The following PMM2 variants were observed in gnomAD, a reference collection of about 807,000 sequenced individuals.
The protein encoded by PMM2 is mannose-6-phosphate isomerase.
PMM2 carries 35 observed loss-of-function variants against 33.2 expected under a neutral mutation model. The ratio of observed to expected loss-of-function variants is 1.06; its 90% CI spans 0.81 to 1.40. The LOEUF is 1.40. Ranked by LOEUF, PMM2 falls within the 40% of genes most tolerant of loss-of-function variation. The pLI is 0.00. For synonymous variants in PMM2, 153 were observed against 114.7 expected, an observed-to-expected ratio of 1.33 and a Z score of -2.13; for missense variants, 386 against 306.0, an observed-to-expected ratio of 1.26 and a Z score of -1.95.
chr16:8,812,929 G>A (rs2060685414), intron 6 of PMM2, 62 bp from the exon 7 acceptor site: 1 of 927,430 alleles, frequency 1.1e-6, no homozygotes, highest in South Asian at 1.3e-5. Flanking sequence ...GTTTTTTTCA[G>A]TGACATATCA....
At chr16:8,804,865 T>C (rs1462608420) in intron 3 of PMM2, 22 bp downstream of exon 3, 1 of 1,438,734 alleles carries the variant, frequency 7.0e-7, no homozygotes, top group Admixed American at 1.7e-5. Flanking sequence ...AGTATCTGAA[T>C]TACTATATAC....
chr16:8,800,765 C>T (rs1161638976), intron 1 of PMM2, among the ~76,000 whole-genome samples: 1 of 151,964 alleles, frequency 6.6e-6, no homozygotes, highest in African/African-American at 2.4e-5. Flanking sequence ...CTCACTGCAA[C>T]CTCTGACTCC....
rs185214060 is a variant in PMM2 at position 8,804,936 on chromosome 16, G to A, written c.255+93G>A. The stretch of plus-strand genomic sequence containing the variant: ...GAATGCCTCTAGGAAGATGAGGAAC[G>A]GGTAGAAATGAATCTTTACTCTGTA... On this transcript the variant is annotated intron_variant, in intron 3 of 7. Transcript: ENST00000268261. 6.7e-4 allele frequency: 532 copies of A among 792,122 alleles called. 3 individuals carry two copies. Among genetic ancestry groups the A allele is most frequent in the South Asian group, 2.6e-4 (18 of 68,940 alleles). 49.1% of individuals were successfully genotyped at this position (792,122 alleles called of 1,614,324 possible). A position where few individuals can be genotyped will look rare whatever the true frequency, so the allele number is the denominator to read the frequency against.
At chr16:8,812,295 C>T (rs562638308) in intron 6 of PMM2, among the ~76,000 whole-genome samples, 1 of 152,226 alleles carries the variant, frequency 6.6e-6, no homozygotes, top group Non-Finnish European at 1.5e-5. Flanking sequence ...GCAGCACGGA[C>T]ATCTCAGGCT....
chr16:8,811,698 C>G lies in PMM2; in HGVS notation c.508C>G (p.Leu170Val), dbSNP rs183384745. Reference sequence around the variant, plus strand: ...ACGGAAAGAGTTTGCTGGAAAAGGCCTCACGTTTTCCATAGGTATTGTATA... The same window carrying G: ...ACGGAAAGAGTTTGCTGGAAAAGGCGTCACGTTTTCCATAGGTATTGTATA... ...DLRKEFAGKG[L>V]TFSIGGQISF... is the part of the protein sequence containing the mutation. The change falls in exon 6 of 8, where the codon CTC becomes GTC. Residue 170 changes from leucine (L) to valine (V), a missense_variant. Coordinates refer to ENST00000268261, the MANE Select transcript of PMM2 (RefSeq NM_000303.3). 1.1e-5 allele frequency: 17 copies of G among 1,610,288 alleles called. No homozygotes were observed. In the East Asian group the frequency reaches 3.6e-4, roughly 34 times the overall value.
chr16:8,808,889 T>C (rs1257662880), intron 4 of PMM2: 1 of 152,230 alleles, frequency 6.6e-6, no homozygotes, highest in Non-Finnish European at 1.5e-5. Context: ...GAGAGAGATT[T>C]TTAGGCTCGC....
Position 8,811,119 on chromosome 16 carries a change from T to C in PMM2, c.388T>C (p.Ser130Pro). The change falls in exon 5 of 8, where the codon TCC becomes CCC. Residue 130 changes from serine (S) to proline (P), a missense_variant. By Grantham distance (74) the Ser-to-Pro change is moderately conservative. Coordinates refer to ENST00000268261, the MANE Select transcript of PMM2 (RefSeq NM_000303.3). The stretch of plus-strand genomic sequence containing the variant: ...ATTCCGAAATGGGATGTTAAACGTG[T>C]CCCCTATTGGAAGAAGCTGCAGCCA... Reference protein sequence around the residue: ...IEFRNGMLNVSPIGRSCSQEE... With the variant: ...IEFRNGMLNVPPIGRSCSQEE... The C allele has an allele frequency of 6.3e-7, 1 of 1,577,646 alleles. No individual in the cohort carries two copies. The highest frequency in any genetic ancestry group is 8.6e-7 in the Non-Finnish European group (1 of 1,157,776).
intron 2 of PMM2, chr16:8,802,471 T>A: frequency 2.9e-6 from 1 of 344,838 alleles, no homozygotes; most frequent in Middle Eastern, 4.1e-4. Context: ...GATTATATGT[T>A]TTTGAAGAGC....
At position 8,804,648 on chromosome 16, in the gene PMM2, A is replaced by G. The variant is rs919671330; in HGVS notation, c.179-119A>G. On this transcript the variant is annotated intron_variant, in intron 2 of 7. Transcript: ENST00000268261. ...CTTCTCTTAGTCTGTAAGATGAGATAGTCTTTCACAGTCCTTGCTGGAGTT... is the reference window on the plus strand; with the variant it reads ...CTTCTCTTAGTCTGTAAGATGAGATGGTCTTTCACAGTCCTTGCTGGAGTT... The G allele has an allele frequency of 2.6e-5, 19 of 732,488 alleles. No individual in the cohort carries two copies. In the African/African-American group the frequency reaches 3.0e-4, roughly 12 times the overall value. The allele number at this position is 732,488 out of a possible 1,614,324, so 45.4% of individuals were successfully genotyped here.
chr16:8,822,256 A>G (rs145833346), intron 7 of PMM2, among the ~76,000 whole-genome samples: 1 of 152,182 alleles, frequency 6.6e-6, no homozygotes, highest in Admixed American at 6.5e-5. Flanking sequence ...GTTGAGCCAG[A>G]TTACCTGTCT....
At chr16:8,812,764 C>T (rs1396533014) in intron 6 of PMM2, among the ~76,000 whole-genome samples, 1 of 152,190 alleles carries the variant, frequency 6.6e-6, no homozygotes, top group Non-Finnish European at 1.5e-5. Context: ...TCTGAGTTGG[C>T]ATTCTGTGCC....
At chr16:8,835,382 C>G (rs996184549) in intron 7 of PMM2, among the ~76,000 whole-genome samples, 1 of 151,940 alleles carries the variant, frequency 6.6e-6, no homozygotes, top group African/African-American at 2.4e-5. Flanking sequence ...GTAGTGGGGG[C>G]TGTCTGTGAA....
intron 1 of PMM2, among the ~76,000 whole-genome samples, chr16:8,798,961 A>C (rs2060595470): frequency 6.6e-6 from 1 of 152,194 alleles, no homozygotes; most frequent in Non-Finnish European, 1.5e-5. Context: ...GATGACGCTC[A>C]ACTCCCAAGT....
chr16:8,804,553 C>T (rs2060635497), intron 2 of PMM2, among the ~76,000 whole-genome samples: 1 of 152,068 alleles, frequency 6.6e-6, no homozygotes, highest in African/African-American at 2.4e-5. Flanking sequence ...TAATCTCCTG[C>T]CCAGTCATCA....
chr16:8,834,224 AGG>A (rs2060829219), intron 7 of PMM2, among the ~76,000 whole-genome samples: 1 of 152,122 alleles, frequency 6.6e-6, no homozygotes, highest in Non-Finnish European at 1.5e-5. Flanking sequence ...GAGCTTGGTG[AGG>A]TGTGTTTTTA....
chr16:8,810,055 C>T (rs779469451), intron 4 of PMM2: 4 of 152,268 alleles, frequency 2.6e-5, no homozygotes, highest in African/African-American at 9.7e-5. Context: ...AAGCCATTCA[C>T]CCACCTTGGC....
intron 1 of PMM2, among the ~76,000 whole-genome samples, chr16:8,798,457 A>G (rs2060592333): frequency 6.6e-6 from 1 of 152,080 alleles, no homozygotes; most frequent in Non-Finnish European, 1.5e-5. Context: ...TTAAATGGGG[A>G]TGTTACCTGT....
At chr16:8,836,047 G>T (rs1464483384) in intron 7 of PMM2, among the ~76,000 whole-genome samples, 1 of 151,130 alleles carries the variant, frequency 6.6e-6, no homozygotes, top group East Asian at 1.9e-4. Context: ...AAAGAGTAAT[G>T]TCTAAATTGG....
At chr16:8,805,673 A>T (rs1471515777) in intron 3 of PMM2, among the ~76,000 whole-genome samples, 1 of 151,650 alleles carries the variant, frequency 6.6e-6, no homozygotes, top group Non-Finnish European at 1.5e-5. Flanking sequence ...GCTCACTGTA[A>T]CCTCTGCCTC....
Sources: allele counts gnomAD v4.1 joint callset (sites outside exome capture counted in the v4.1 genomes callset), GRCh38; gene constraint gnomAD v4.1.1; transcripts MANE v1.5; gene names NCBI Gene and HGNC (gene_info 2026-07-23, HGNC 2026-07-21).